Variants in DNAJC21 observed in about 807,000 individuals in gnomAD.
DNAJC21 encodes the protein DnaJ heat shock protein family (Hsp40) member C21.
In DNAJC21, 63 loss-of-function variants were observed where a neutral mutation model predicts 72.4. That is an observed-to-expected ratio of 0.87 (90% CI 0.71 to 1.07). The LOEUF is 1.07. DNAJC21 is among the 50% of genes least tolerant of loss of function. The pLI is 0.00. For missense variants in DNAJC21, 634 were observed against 644.8 expected (o/e 0.98, Z 0.18); for synonymous variants, 203 against 216.7 (o/e 0.94, Z 0.56).
At chr5:34,939,213 A>G (rs532386200) in intron 6 of DNAJC21, among the ~76,000 whole-genome samples, 3 of 152,008 alleles carry the variant, frequency 2.0e-5, no homozygotes, top group Admixed American at 6.6e-5. Flanking sequence ...AACAGTGTGT[A>G]CTTCTAGCTG....
rs145570024 is a variant in DNAJC21 at position 34,944,341 on chromosome 5, C to T, written c.984-526C>T. On this transcript the variant is annotated intron_variant, in intron 7 of 11. Transcript: ENST00000648817. ...GCTCTTGTATTTCAAGCCTTCCCAC[C>T]ACCATTTCTCTAGTCCAGGGGGCTC... is the stretch of plus-strand genomic sequence containing the variant. Among the ~76,000 whole-genome samples the T allele has an allele frequency of 1.9e-3, 293 of 152,304 alleles. 2 individuals carry two copies. Among genetic ancestry groups the T allele is most frequent in the African/African-American group, 6.8e-3 (282 of 41,574 alleles).
rs1765124377 is a variant in DNAJC21 at position 34,944,947 on chromosome 5, AT to A, written c.1069del (p.Ser357GlnfsTer10). On this transcript the variant is annotated frameshift_variant, in exon 8 of 12. Coordinates refer to ENST00000648817, the MANE Select transcript of DNAJC21 (RefSeq NM_001012339.3). LOFTEE classifies it high-confidence loss of function. The stretch of plus-strand genomic sequence containing the variant: ...CAACAGCTGGAGGAGGAAGAAGAAA[AT>A]TTTTCAAGACCTCAAATTGATGAAA... ...LKQQLEEEEE[N>X]FSRPQIDENP... The A allele has an allele frequency of 6.2e-7, 1 of 1,614,032 alleles. No individual in the cohort carries two copies. The highest frequency in any genetic ancestry group is 8.5e-7 in the Non-Finnish European group (1 of 1,180,046).
At position 34,941,166 on chromosome 5, in the gene DNAJC21, G is replaced by C; in HGVS notation, c.966G>C (p.Ser322=). 6.2e-7 allele frequency: 1 copy of C among 1,613,994 alleles called. No individual in the cohort carries two copies. The highest frequency in any genetic ancestry group is 1.7e-4 in the Middle Eastern group (1 of 6,060). The part of the protein sequence containing the change: ...DDLYCPACDK[S]FKTEKAMKNH... The stretch of plus-strand genomic sequence containing the variant: ...TTTACTGCCCAGCATGTGACAAATC[G>C]TTCAAGACAGAAAAGGCGTAAGTTT... Residue 322 remains serine (S), a synonymous_variant, in exon 7 of 12, where the codon TCG becomes TCC. Transcript: ENST00000648817.
At chr5:34,930,656 A>G (rs191923736) in intron 1 of DNAJC21, among the ~76,000 whole-genome samples, 2 of 152,280 alleles carry the variant, frequency 1.3e-5, no homozygotes, top group African/African-American at 4.8e-5. Flanking sequence ...CTGGGAAACT[A>G]AGAGAGTAGT....
rs1764514602 is a variant in DNAJC21 at position 34,929,776 on chromosome 5, A to ACCCCGT, written c.-40_-35dup. 8.9e-7 allele frequency: 1 copy of ACCCCGT among 1,123,602 alleles called. No homozygotes were observed. The highest frequency in any genetic ancestry group is 1.7e-5 in the African/African-American group (1 of 58,954). 69.6% of individuals were successfully genotyped at this position (1,123,602 alleles called of 1,614,324 possible). ...CGCTTCGGCCCGGGCCCGGGCCCCGACCCCGTCCCGGGCCCCAGCGCCGGC... is the reference window on the plus strand; with the variant it reads ...CGCTTCGGCCCGGGCCCGGGCCCCGACCCCGTCCCCGTCCCGGGCCCCAGCGCCGGC... On this transcript the variant is annotated 5_prime_UTR_variant, in exon 1 of 12. Transcript: ENST00000648817.
At chr5:34,943,496 A>G (rs1293481313) in intron 7 of DNAJC21, among the ~76,000 whole-genome samples, 3 of 152,186 alleles carry the variant, frequency 2.0e-5, no homozygotes, top group Admixed American at 6.5e-5. Context: ...TCAAGGTGTC[A>G]TCTAATTTTA....
intron 7 of DNAJC21, among the ~76,000 whole-genome samples, chr5:34,941,684 A>G (rs1228958892): frequency 1.4e-5 from 2 of 146,994 alleles, no homozygotes; most frequent in Non-Finnish European, 3.0e-5. Context: ...CTCCTGCCTC[A>G]AGCTCCCGAG....
intron 6 of DNAJC21, among the ~76,000 whole-genome samples, chr5:34,940,882 C>T (rs922479395): frequency 6.6e-6 from 1 of 152,136 alleles, no homozygotes; most frequent in African/African-American, 2.4e-5. Flanking sequence ...ATATCTTCTT[C>T]TAAGTAGACT....
At chr5:34,939,079 G>T in intron 6 of DNAJC21, 70 bp downstream of exon 6, 1 of 1,345,388 alleles carries the variant, frequency 7.4e-7, no homozygotes, top group South Asian at 1.6e-5. Flanking sequence ...TTGCTTATTT[G>T]ACATCTCCCA....
At chr5:34,952,684 T>C (rs1765413383) in intron 10 of DNAJC21, 1 of 152,174 alleles carries the variant, frequency 6.6e-6, no homozygotes, top group Non-Finnish European at 1.5e-5. Context: ...CTGATCTAAA[T>C]GGTATGGTGG....
intron 10 of DNAJC21, chr5:34,952,006 C>G (rs1765384552): frequency 2.0e-6 from 2 of 985,442 alleles, no homozygotes; most frequent in South Asian, 9.4e-5. Context: ...ACCCAGCACC[C>G]TCCCCACACC....
intron 7 of DNAJC21, among the ~76,000 whole-genome samples, chr5:34,943,558 G>A (rs1765070614): frequency 6.6e-6 from 1 of 152,140 alleles, no homozygotes; most frequent in South Asian, 2.1e-4. Context: ...CCTTGCAACA[G>A]GTTTTCCCTT....
At chr5:34,953,068 T>G (rs1269163444) in intron 10 of DNAJC21, among the ~76,000 whole-genome samples, 2 of 151,978 alleles carry the variant, frequency 1.3e-5, no homozygotes, top group African/African-American at 2.4e-5. Flanking sequence ...GAAAATCGCT[T>G]GAACCCGGGA....
chr5:34,929,844 G>A lies in DNAJC21; in HGVS notation c.25G>A (p.Gly9Arg), dbSNP rs748031504. 41 of 1,576,548 alleles carry A rather than the reference G, an allele frequency of 2.6e-5. No homozygotes were observed. The highest frequency in any genetic ancestry group is 3.3e-5 in the Non-Finnish European group (38 of 1,162,354). Residue 9 changes from glycine (G) to arginine (R), a missense_variant, in exon 1 of 12, where the codon GGG becomes AGG. Transcript: ENST00000648817. MKCHYEAL[G>R]VRRDASEEEL... ...GATGAAGTGTCACTATGAGGCGCTG[G>A]GGGTGCGGCGCGACGCCAGCGAGGA...
rs1280849383 is a variant in DNAJC21, at chr5:34,957,193, ATAAAC to A, written c.*2484_*2488del. 1 of 152,224 alleles carries A rather than the reference ATAAAC, an allele frequency of 6.6e-6. No individual in the cohort carries two copies. Among genetic ancestry groups the A allele is most frequent in the Non-Finnish European group, 1.5e-5 (1 of 68,030 alleles). 9.4% of individuals were successfully genotyped at this position (152,224 alleles called of 1,614,324 possible). A position where few individuals can be genotyped will look rare whatever the true frequency, so the allele number is the denominator to read the frequency against. ...AATTTCACTTGTCTGAGGTAAAACA[ATAAAC>A]TAAAATACATGGGCATGCATCTTAC... On this transcript the variant is annotated 3_prime_UTR_variant, in exon 12 of 12. Transcript: ENST00000648817.
At position 34,944,887 on chromosome 5, in the gene DNAJC21, CA is replaced by C; in HGVS notation, c.1007del (p.Lys336ArgfsTer10). The C allele has an allele frequency of 6.2e-7, 1 of 1,613,984 alleles. No homozygotes were observed. Among genetic ancestry groups the C allele is most frequent in the East Asian group, 2.2e-5 (1 of 44,878 alleles). Reference protein sequence around the residue: ...TEKAMKNHEKSKKHREMVALL... With the variant: ...TEKAMKNHEKXKKHREMVALL... ...TTCAGCATGAAGAATCACGAGAAGT[CA>C]AAGAAGCATCGGGAAATGGTGGCCT... On this transcript the variant is annotated frameshift_variant, in exon 8 of 12. Transcript: ENST00000648817. LOFTEE classifies it high-confidence loss of function.
chr5:34,954,784 A>C lies in DNAJC21; in HGVS notation c.*70A>C. On this transcript the variant is annotated 3_prime_UTR_variant, in exon 12 of 12. Transcript: ENST00000648817. ...CCAAAAAACTGAACTGAAATCATCT[A>C]AAGAGTTAAAATTTCAGTGATCTGC... The C allele has an allele frequency of 5.2e-5, 72 of 1,378,826 alleles. No homozygotes were observed. Among genetic ancestry groups the C allele is most frequent in the Non-Finnish European group, 6.9e-5 (72 of 1,050,210 alleles). The allele number at this position is 1,378,826 out of a possible 1,614,324, so 85.4% of individuals were successfully genotyped here. A position where few individuals can be genotyped will look rare whatever the true frequency, so the allele number is the denominator to read the frequency against.
chr5:34,952,670 G>A (rs534552747), intron 10 of DNAJC21: 8 of 152,218 alleles, frequency 5.3e-5, no homozygotes, highest in East Asian at 1.9e-4. Context: ...CAACTATACC[G>A]TTTCTGATCT....
chr5:34,954,549 TCA>T lies in DNAJC21; in HGVS notation c.1435-3_1435-2del. ...TTTTATTTATGATTTTTTGCCCTTC[TCA>T]GAGTGTTCTTATCAGCTGTACAACC... On this transcript the variant is annotated splice_acceptor_variant and splice_polypyrimidine_tract_variant and intron_variant, in intron 11 of 11. Transcript: ENST00000648817. LOFTEE classifies it high-confidence loss of function. 6.3e-7 allele frequency: 1 copy of T among 1,599,222 alleles called. No homozygotes were observed. The highest frequency in any genetic ancestry group is 1.3e-5 in the African/African-American group (1 of 74,124).
Sources: allele counts gnomAD v4.1 joint callset (sites outside exome capture counted in the v4.1 genomes callset), GRCh38; gene constraint gnomAD v4.1.1; transcripts MANE v1.5; gene names NCBI Gene and HGNC (gene_info 2026-07-23, HGNC 2026-07-21).